The following IL1RAPL2 variants were observed in gnomAD, a reference collection of about 807,000 sequenced individuals.
IL1RAPL2 encodes the protein interleukin 1 receptor accessory protein like 2.
In IL1RAPL2, 3 loss-of-function variants were observed where a neutral mutation model predicts 44.1. The ratio of observed to expected loss-of-function variants is 0.07; its 90% CI spans 0.03 to 0.18. The LOEUF (loss-of-function observed/expected upper bound fraction) is 0.18. Ranked by LOEUF, IL1RAPL2 falls within the 10% of genes least tolerant of loss-of-function variation. The pLI is 1.00. For missense variants in IL1RAPL2, 391 were observed against 496.4 expected (o/e 0.79, Z 2.02); for synonymous variants, 181 against 178.8 (o/e 1.01, Z -0.10).
intron 5 of IL1RAPL2, among the ~76,000 whole-genome samples, chrX:105,440,879 T>G: frequency 9.0e-6 from 1 of 111,376 alleles, no homozygotes; most frequent in Non-Finnish European, 1.9e-5. Context: ...TCTCAGCAGA[T>G]CTGATGGTTT....
At chrX:105,249,353 T>C (rs1361151812) in intron 4 of IL1RAPL2, among the ~76,000 whole-genome samples, 1 of 110,692 alleles carries the variant, frequency 9.0e-6, no homozygotes, top group African/African-American at 3.3e-5. Context: ...GGGAAGGGTA[T>C]GGAGGGGTTG....
intron 5 of IL1RAPL2, among the ~76,000 whole-genome samples, chrX:105,297,979 AT>A (rs1378562926): frequency 9.0e-6 from 1 of 110,666 alleles, no homozygotes; most frequent in African/African-American, 3.3e-5. Flanking sequence ...ATTTTTTAAA[AT>A]TTTATTTTTA....
chrX:104,863,516 G>A (rs1253251300), intron 2 of IL1RAPL2, among the ~76,000 whole-genome samples: 1 of 111,887 alleles, frequency 8.9e-6, no homozygotes, highest in Non-Finnish European at 1.9e-5. Context: ...AGCTTCCAAT[G>A]ACAGATTATA....
intron 2 of IL1RAPL2, among the ~76,000 whole-genome samples, chrX:104,915,625 A>G (rs1165885580): frequency 9.0e-6 from 1 of 110,640 alleles, no homozygotes; most frequent in Non-Finnish European, 1.9e-5. Flanking sequence ...TTGGTGTTTT[A>G]GACATGAAGT....
At chrX:104,636,410 C>A (rs149755875) in intron 1 of IL1RAPL2, among the ~76,000 whole-genome samples, 3 of 112,150 alleles carry the variant, frequency 2.7e-5, no homozygotes, top group Admixed American at 9.4e-5. Flanking sequence ...GTTTCTGCTG[C>A]ATTTTGTTTT....
At chrX:105,330,693 C>T (rs1445669214) in intron 5 of IL1RAPL2, among the ~76,000 whole-genome samples, 1 of 111,706 alleles carries the variant, frequency 9.0e-6, no homozygotes, top group Non-Finnish European at 1.9e-5. Flanking sequence ...CACGTCTTCA[C>T]ACAAACCTGA....
chrX:105,392,914 A>G lies in IL1RAPL2; in HGVS notation c.698-91399A>G, dbSNP rs756427110. On this transcript the variant is annotated intron_variant, in intron 5 of 10. Coordinates refer to ENST00000372582, the MANE Select transcript of IL1RAPL2 (RefSeq NM_017416.2). ...TAAATGTCTGTTGGCTCTACTCTTT[A>G]AGTCTATGATTCTTTTTTGCATCCA... Among the ~76,000 whole-genome samples, 3 of 112,267 alleles carry G rather than the reference A, an allele frequency of 2.7e-5. No homozygotes were observed. In the South Asian group the frequency reaches 1.1e-3, roughly 41 times the overall value.
intron 5 of IL1RAPL2, among the ~76,000 whole-genome samples, chrX:105,355,450 T>G (rs1012811882): frequency 9.0e-6 from 1 of 111,306 alleles, no homozygotes; most frequent in Non-Finnish European, 1.9e-5. Flanking sequence ...AAACATACCT[T>G]AAGGCTCTAA....
chrX:105,238,405 T>G (rs1556204236), intron 4 of IL1RAPL2, among the ~76,000 whole-genome samples: 1 of 111,859 alleles, frequency 8.9e-6, no homozygotes, highest in African/African-American at 3.2e-5. Context: ...GATGTCACTA[T>G]CACCATCATA....
At chrX:105,484,126 C>G (rs1316658026) in intron 5 of IL1RAPL2, among the ~76,000 whole-genome samples, 187 bp from the exon 6 acceptor site, 1 of 111,646 alleles carries the variant, frequency 9.0e-6, no homozygotes, top group Non-Finnish European at 1.9e-5. Context: ...CAATGGTGCT[C>G]TAAATGTGCT....
intron 2 of IL1RAPL2, among the ~76,000 whole-genome samples, chrX:104,733,233 C>T (rs779051330): frequency 1.8e-5 from 2 of 111,335 alleles, no homozygotes; most frequent in Admixed American, 9.6e-5. Flanking sequence ...GAAAGTTATG[C>T]GTATTGGAAA....
At chrX:105,426,114 T>C (rs1177306604) in intron 5 of IL1RAPL2, among the ~76,000 whole-genome samples, 1 of 108,892 alleles carries the variant, frequency 9.2e-6, no homozygotes, top group Non-Finnish European at 1.9e-5. Context: ...CTCCCTACCA[T>C]ATATATTTCT....
intron 5 of IL1RAPL2, among the ~76,000 whole-genome samples, chrX:105,300,274 T>C (rs1191238907): frequency 9.0e-6 from 1 of 111,148 alleles, no homozygotes; most frequent in Non-Finnish European, 1.9e-5. Flanking sequence ...ACAGGAAGCA[T>C]AATGGGTTTT....
intron 2 of IL1RAPL2, among the ~76,000 whole-genome samples, chrX:104,950,623 A>G (rs912010378): frequency 9.0e-6 from 1 of 111,677 alleles, no homozygotes; most frequent in Non-Finnish European, 1.9e-5. Flanking sequence ...AATGAGCGAT[A>G]CTCCGTGGGC....
intron 2 of IL1RAPL2, among the ~76,000 whole-genome samples, chrX:104,739,313 T>A (rs994183546): frequency 4.5e-5 from 5 of 112,007 alleles, no homozygotes; most frequent in Non-Finnish European, 9.4e-5. Context: ...AATGTGGATT[T>A]TATTTATTTT....
chrX:104,951,861 A>G (rs376401368), intron 2 of IL1RAPL2, among the ~76,000 whole-genome samples: 2 of 112,157 alleles, frequency 1.8e-5, no homozygotes, highest in African/African-American at 3.2e-5. Flanking sequence ...GCTAATGTCA[A>G]CTATGTGCCA....
chrX:105,135,674 G>A (rs1315269849), intron 2 of IL1RAPL2, among the ~76,000 whole-genome samples: 3 of 111,540 alleles, frequency 2.7e-5, no homozygotes, highest in South Asian at 3.7e-4. Context: ...AAATTATTAC[G>A]TGATTCAAAA....
At chrX:105,642,945 C>T (rs986713305) in intron 6 of IL1RAPL2, among the ~76,000 whole-genome samples, 18 of 113,075 alleles carry the variant, frequency 1.6e-4, no homozygotes, top group African/African-American at 5.4e-4. Context: ...CCTTACATAC[C>T]TTAGAATTAA....
chrX:105,471,710 G>T (rs1289517555), intron 5 of IL1RAPL2, among the ~76,000 whole-genome samples: 3 of 110,761 alleles, frequency 2.7e-5, no homozygotes, highest in Non-Finnish European at 5.7e-5. Context: ...GTTGGGTTTT[G>T]GTCAGACAAG....
Sources: gnomAD v4.1 joint callset for allele counts (sites outside exome capture counted in the v4.1 genomes callset) on GRCh38, gnomAD v4.1.1 for gene constraint, MANE v1.5 for transcripts, NCBI Gene and HGNC (gene_info 2026-07-23, HGNC 2026-07-21) for gene names.